Variants in EFCAB13 observed in about 807,000 individuals in gnomAD.
The protein encoded by EFCAB13 is EF-hand calcium-binding domain-containing protein 13.
A neutral mutation model predicts 110.2 loss-of-function variants in EFCAB13; 91 were observed. That is an observed-to-expected ratio of 0.83 (90% CI 0.70 to 0.98). The LOEUF is 0.98. EFCAB13 is among the 50% of genes least tolerant of loss of function. The probability of loss-of-function intolerance (pLI) is 0.00; values close to 1 mark genes in which losing one functional copy is unlikely to be tolerated. For synonymous variants in EFCAB13, 323 were observed against 369.9 expected (o/e 0.87, Z 1.45); for missense variants, 968 against 1,119.4 (o/e 0.86, Z 1.93).
intron 9 of EFCAB13, among the ~76,000 whole-genome samples, chr17:47,349,763 T>C (rs1345755554): frequency 2.2e-4 from 24 of 110,572 alleles, no homozygotes; most frequent in South Asian, 1.1e-3. Flanking sequence ...ATGTTTCTTT[T>C]TTTTTTTTTT....
chr17:47,327,929 A>T (rs1287515729), intron 3 of EFCAB13: 1 of 253,138 alleles, frequency 4.0e-6, no homozygotes, highest in Non-Finnish European at 7.4e-6. Context: ...TTTAGCACAC[A>T]GTAAGCATTC....
chr17:47,344,774 C>T (rs954399726), intron 7 of EFCAB13, among the ~76,000 whole-genome samples: 2 of 152,080 alleles, frequency 1.3e-5, no homozygotes, highest in Non-Finnish European at 2.9e-5. Flanking sequence ...GGACCACAGT[C>T]GAAGGATAGT....
At chr17:47,396,020 T>C in intron 17 of EFCAB13, 43 bp downstream of exon 17, 1 of 1,506,526 alleles carries the variant, frequency 6.6e-7, no homozygotes, top group East Asian at 2.3e-5. Context: ...TACCAAGATA[T>C]TACTTTATTT....
chr17:47,348,044 A>G (rs1203748813), intron 9 of EFCAB13, 93 bp downstream of exon 9: 6 of 1,034,806 alleles, frequency 5.8e-6, no homozygotes, highest in Non-Finnish European at 7.6e-6. Context: ...CTAAACCTTA[A>G]AATATATTGT....
In EFCAB13 at chr17:47,404,041, C is replaced by A; in HGVS notation, c.2161+20C>A. The A allele has an allele frequency of 1.3e-6, 2 of 1,561,438 alleles. No individual in the cohort carries two copies. The highest frequency in any genetic ancestry group is 1.2e-5 in the South Asian group (1 of 82,262). On this transcript the variant is annotated intron_variant, in intron 19 of 24. Transcript: ENST00000331493. Reference sequence around the variant, plus strand: ...TTTCTGGTAAGCATTTTAAATATTACTCTCAGGTTTTTTTTTTGTAGGAGT... The same window carrying A: ...TTTCTGGTAAGCATTTTAAATATTAATCTCAGGTTTTTTTTTTGTAGGAGT...
At chr17:47,401,640 CTTTTTTTTTTTT>C (rs763737651) in intron 17 of EFCAB13, among the ~76,000 whole-genome samples, 4 of 84,540 alleles carry the variant, frequency 4.7e-5, no homozygotes, top group African/African-American at 1.9e-4. Context: ...CTCAGCCTGA[CTTTTTTTTTTTT>C]TTTTTTTTTT....
At chr17:47,400,327 C>T (rs895284043) in intron 17 of EFCAB13, among the ~76,000 whole-genome samples, 1 of 152,188 alleles carries the variant, frequency 6.6e-6, no homozygotes, top group African/African-American at 2.4e-5. Flanking sequence ...AATTGAGCTA[C>T]AAATTCTTGA....
chr17:47,355,195 A>G (rs2065473270), intron 9 of EFCAB13, among the ~76,000 whole-genome samples: 1 of 152,212 alleles, frequency 6.6e-6, no homozygotes, highest in South Asian at 2.1e-4. Flanking sequence ...TAAGGAGGCT[A>G]AAGATAGGAC....
chr17:47,344,069 G>C (rs886636119), intron 6 of EFCAB13, 93 bp from the exon 7 acceptor site: 43 of 1,364,572 alleles, frequency 3.2e-5, no homozygotes, highest in Non-Finnish European at 4.2e-5. Flanking sequence ...GCCAAGGTAT[G>C]ATTAATTATC....
intron 8 of EFCAB13, 48 bp downstream of exon 8, chr17:47,345,146 CT>C: frequency 7.3e-7 from 1 of 1,375,458 alleles, no homozygotes; most frequent in Non-Finnish European, 1.0e-6. Context: ...TGGTTATGTG[CT>C]TTTTAGGAAT....
intron 23 of EFCAB13, among the ~76,000 whole-genome samples, chr17:47,429,335 A>G (rs1328735567): frequency 1.3e-5 from 2 of 152,198 alleles, no homozygotes. Context: ...ATGCTTCACA[A>G]TGATTTCAGG....
chr17:47,335,858 T>A (rs1281645105), intron 5 of EFCAB13, among the ~76,000 whole-genome samples: 1 of 152,170 alleles, frequency 6.6e-6, no homozygotes, highest in Non-Finnish European at 1.5e-5. Context: ...TCTGCCCCCA[T>A]GATCCAATCA....
chr17:47,368,419 A>G (rs771124099), intron 10 of EFCAB13, among the ~76,000 whole-genome samples: 6 of 152,226 alleles, frequency 3.9e-5, no homozygotes, highest in Admixed American at 6.5e-5. Flanking sequence ...CTGTGGAGCA[A>G]AGGTGGTAGA....
intron 11 of EFCAB13, among the ~76,000 whole-genome samples, chr17:47,373,446 A>G (rs1444929584): frequency 1.3e-5 from 2 of 152,134 alleles, no homozygotes; most frequent in Non-Finnish European, 1.5e-5. Flanking sequence ...CTTTGGGGTC[A>G]GCTATCAGGA....
chr17:47,353,901 T>G (rs1335816813), intron 9 of EFCAB13, among the ~76,000 whole-genome samples: 1 of 152,172 alleles, frequency 6.6e-6, no homozygotes, highest in African/African-American at 2.4e-5. Context: ...TCTTGGTTAT[T>G]TCTTTTCTTC....
At chr17:47,357,358 A>C (rs2065486740) in intron 9 of EFCAB13, among the ~76,000 whole-genome samples, 1 of 152,176 alleles carries the variant, frequency 6.6e-6, no homozygotes, top group African/African-American at 2.4e-5. Flanking sequence ...TAGCTTATTT[A>C]CTTTCCTGTA....
intron 21 of EFCAB13, among the ~76,000 whole-genome samples, chr17:47,410,429 T>C (rs1167212373): frequency 1.3e-5 from 2 of 152,176 alleles, no homozygotes; most frequent in Non-Finnish European, 2.9e-5. Flanking sequence ...CACATAAACT[T>C]TGGGGGACAC....
intron 23 of EFCAB13, among the ~76,000 whole-genome samples, chr17:47,417,801 T>C (rs1904502260): frequency 6.6e-6 from 1 of 152,212 alleles, no homozygotes; most frequent in Non-Finnish European, 1.5e-5. Context: ...AGTTTATTGT[T>C]TGGGGCTTGA....
intron 10 of EFCAB13, among the ~76,000 whole-genome samples, chr17:47,368,611 G>A (rs893691629): frequency 6.6e-6 from 1 of 152,186 alleles, no homozygotes; most frequent in Non-Finnish European, 1.5e-5. Flanking sequence ...GAGAGATGTT[G>A]TCAATGTTTA....
Sources: gnomAD v4.1 joint callset for allele counts (sites outside exome capture counted in the v4.1 genomes callset) on GRCh38, gnomAD v4.1.1 for gene constraint, MANE v1.5 for transcripts, NCBI Gene and HGNC (gene_info 2026-07-23, HGNC 2026-07-21) for gene names.